Variants in YJEFN3 observed in about 807,000 individuals in gnomAD.
YJEFN3 encodes the protein YjeF N-terminal domain containing 3.
Under a neutral mutation model 31.5 loss-of-function variants are expected in YJEFN3, and 29 were observed. The ratio of observed to expected loss-of-function variants is 0.92; its 90% confidence interval spans 0.69 to 1.26. YJEFN3 has a LOEUF of 1.26. YJEFN3 is among the 50% of genes most tolerant of loss of function. The pLI, the probability that YJEFN3 is intolerant of heterozygous loss-of-function variation, is 0.00. For missense variants in YJEFN3, 442 were observed against 425.4 expected (o/e 1.04, Z -0.34); for synonymous variants, 227 against 196.1 (o/e 1.16, Z -1.32).
rs919622746 is a variant in YJEFN3, at chr19:19,537,506, C to T, written c.882C>T (p.Asp294=). The part of the protein sequence containing the change: ...ALRLPGYTGT[D]CVAAL ...GCCTGCCGGGATACACGGGCACCGA[C>T]TGCGTCGCGGCACTGTGACCGCCAC... Residue 294 remains aspartate, a synonymous_variant, in exon 7 of 7, where the codon GAC becomes GAT. Coordinates refer to ENST00000514277, the MANE Select transcript of YJEFN3 (RefSeq NM_198537.4). The T allele has an allele frequency of 3.2e-6, 5 of 1,566,240 alleles. No homozygotes were observed. Among genetic ancestry groups the T allele is most frequent in the Non-Finnish European group, 4.3e-6 (5 of 1,158,106 alleles).
intron 2 of YJEFN3, among the ~76,000 whole-genome samples, chr19:19,531,627 G>A (rs533050741): frequency 1.3e-5 from 2 of 151,344 alleles, no homozygotes; most frequent in Admixed American, 6.6e-5. Flanking sequence ...GTTTTGCTCC[G>A]AGAGGTGGAG....
chr19:19,535,709 GCCTGGGGGGCTTGGGTGGAGGCC>G, intron 6 of YJEFN3, 30 bp downstream of exon 6: 1 of 1,543,490 alleles, frequency 6.5e-7, no homozygotes, highest in South Asian at 1.2e-5. Flanking sequence ...GCACATTGGG[GCCTGGGGGGCTTGGGTGGAGGCC>G]CCTGTGCCCC....
At chr19:19,533,479 C>T in intron 3 of YJEFN3, 1 of 922,904 alleles carries the variant, frequency 1.1e-6, no homozygotes, top group Non-Finnish European at 1.3e-6. Context: ...TCCTCTTACC[C>T]TCCTCCTCCT....
At chr19:19,529,040 C>G (rs776578555) in intron 1 of YJEFN3, 49 bp downstream of exon 1, 60 of 1,546,296 alleles carry the variant, frequency 3.9e-5, no homozygotes, top group Admixed American at 1.4e-4. Flanking sequence ...CCCATGGGGC[C>G]AGGAGCAGCC....
Position 19,529,521 on chromosome 19 carries a change from A to C in YJEFN3, c.209+8A>C, listed in dbSNP as rs758659236. ...AGGGCCTGTTTGCCAGAGGTTGGTG[A>C]GTTTGGGATCTAGAACTGGCGCCGT... On this transcript the variant is annotated splice_region_variant and intron_variant, in intron 2 of 6. Transcript: ENST00000514277. 1.2e-5 allele frequency: 19 copies of C among 1,612,432 alleles called. No individual in the cohort carries two copies. The highest frequency in any genetic ancestry group is 1.6e-5 in the Non-Finnish European group (19 of 1,179,216).
At position 19,532,120 on chromosome 19, in the gene YJEFN3, C is replaced by A. The variant is rs115289253; in HGVS notation, c.210-512C>A. Among the ~76,000 whole-genome samples, 1,463 of 152,340 alleles carry A rather than the reference C, an allele frequency of 9.6e-3. 29 individuals are homozygous for A. Among genetic ancestry groups the A allele is most frequent in the African/African-American group, 0.033 (1,366 of 41,576 alleles). ...CTCATAGCCCCAGGCCCCAAGGCCT[C>A]CCCGCTGAGTGTGCCATCAAACACT... is the stretch of plus-strand genomic sequence containing the variant. On this transcript the variant is annotated intron_variant, in intron 2 of 6. Transcript: ENST00000514277.
intron 1 of YJEFN3, 180 bp from the exon 2 acceptor site, chr19:19,529,184 C>T (rs894303985): frequency 5.0e-5 from 73 of 1,450,224 alleles, no homozygotes; most frequent in East Asian, 7.5e-5. Context: ...ATGGCCAAGA[C>T]GGGCCTGGGA....
At chr19:19,532,875 A>G (rs2061172156) in intron 3 of YJEFN3, 135 bp downstream of exon 3, 12 of 1,090,854 alleles carry the variant, frequency 1.1e-5, no homozygotes, top group Admixed American at 3.0e-5. Flanking sequence ...CCTGATGGGT[A>G]AACTGAGGCC....
Position 19,529,501 on chromosome 19 carries a change from C to T in YJEFN3, c.197C>T (p.Pro66Leu). ...SWLEQIWNAG[P>L]VCQSTAEAAA... ...CTAGAGCAGATTTGGAACGCAGGGCCTGTTTGCCAGAGGTTGGTGAGTTTG... is the reference window on the plus strand; with the variant it reads ...CTAGAGCAGATTTGGAACGCAGGGCTTGTTTGCCAGAGGTTGGTGAGTTTG... Residue 66 changes from proline to leucine, a missense_variant, in exon 2 of 7, where the codon CCT becomes CTT. By Grantham distance (98) the Pro-to-Leu change is moderately conservative (BLOSUM62 -3). Transcript: ENST00000514277. The T allele has an allele frequency of 1.1e-5, 18 of 1,613,686 alleles. No individual in the cohort carries two copies. Among genetic ancestry groups the T allele is most frequent in the Admixed American group, 1.7e-5 (1 of 59,946 alleles).
Position 19,535,149 on chromosome 19 carries a change from G to C in YJEFN3, c.429+5G>C, listed in dbSNP as rs755524552. 1.9e-6 allele frequency: 3 copies of C among 1,596,354 alleles called. No homozygotes were observed. The South Asian group carries it at 3.4e-5, about 18-fold the overall frequency. ...GCCCGGCACCTGCGGGTGTTTGTAA[G>C]TAGCAAGGACCCCTTCGACCTCCCA... On this transcript the variant is annotated splice_donor_5th_base_variant and intron_variant, in intron 4 of 6. Transcript: ENST00000514277.
rs777689550 is a variant in YJEFN3, at chr19:19,535,633, G to A, written c.648G>A (p.Thr216=). ...GCCCCTGCACCCGCGCGCTGGCCAC[G>A]CTCAAGCTGCTGTCCATCCCCCTCG... The part of the protein sequence containing the change: ...VGGPCTRALA[T]LKLLSIPLVS... The change falls in exon 6 of 7, where the codon ACG becomes ACA. Residue 216 remains threonine, a synonymous_variant. Coordinates refer to ENST00000514277, the MANE Select transcript of YJEFN3 (RefSeq NM_198537.4). 2.2e-5 allele frequency: 35 copies of A among 1,584,030 alleles called. No individual in the cohort carries two copies. In the African/African-American group the frequency reaches 3.8e-4, roughly 17 times the overall value.
In YJEFN3 at chr19:19,534,949, TCCCCTACTCC is replaced by T; in HGVS notation, c.319-84_319-75del. 8.2e-7 allele frequency: 1 copy of T among 1,222,936 alleles called. No homozygotes were observed. Among genetic ancestry groups the T allele is most frequent in the Non-Finnish European group, 1.1e-6 (1 of 889,982 alleles). The allele number at this position is 1,222,936 out of a possible 1,614,324, so 75.8% of individuals were successfully genotyped here. ...GCCTCCAGGCCCAAGCCCCATCCCT[TCCCCTACTCC>T]GGGCCTCAGTTTCCTCTCCAGGCAA... On this transcript the variant is annotated intron_variant, in intron 3 of 6. Coordinates refer to ENST00000514277, the MANE Select transcript of YJEFN3 (RefSeq NM_198537.4). This position sits in a 1 kb window ranked among gnomAD's most constrained non-coding sequence, Gnocchi z 4.6.
chr19:19,532,301 C>T (rs1443856601), intron 2 of YJEFN3, among the ~76,000 whole-genome samples: 3 of 152,262 alleles, frequency 2.0e-5, no homozygotes, highest in African/African-American at 7.2e-5. Flanking sequence ...TTCCCTCCGC[C>T]TTGGGAGCTG....
Position 19,534,278 on chromosome 19 carries a change from G to A in YJEFN3, c.319-756G>A. The stretch of plus-strand genomic sequence containing the variant: ...AGAGAGAGACAAATGGAGAAAGAGA[G>A]CCAGAGACATACAGAAAGACAGAGA... On this transcript the variant is annotated intron_variant, in intron 3 of 6. Transcript: ENST00000514277. The surrounding 1 kb of genome is among the most constrained non-coding windows in gnomAD (Gnocchi z 4.6). The A allele has an allele frequency of 4.7e-6, 3 of 635,918 alleles. No homozygotes were observed. Among genetic ancestry groups the A allele is most frequent in the Non-Finnish European group, 5.9e-6 (3 of 511,126 alleles). The allele number at this position is 635,918 out of a possible 1,614,324, so 39.4% of individuals were successfully genotyped here.
In YJEFN3 at chr19:19,529,612, C is replaced by T. The variant is rs142015390; in HGVS notation, c.209+99C>T. The T allele has an allele frequency of 3.8e-3, 5,714 of 1,512,102 alleles. 109 individuals carry two copies. The South Asian group carries it at 0.038, about 10-fold the overall frequency. The allele number at this position is 1,512,102 out of a possible 1,614,324, so 93.7% of individuals were successfully genotyped here. A position where few individuals can be genotyped will look rare whatever the true frequency, so the allele number is the denominator to read the frequency against. ...TGGGACCCCAGGCAAGGCTGTTGAC[C>T]TCACTGTGAACCAGATGCGTCCAAC... On this transcript the variant is annotated intron_variant, in intron 2 of 6. Transcript: ENST00000514277.
At chr19:19,536,834 G>T (rs1405197922) in intron 6 of YJEFN3, among the ~76,000 whole-genome samples, 2 of 152,064 alleles carry the variant, frequency 1.3e-5, no homozygotes, top group Admixed American at 1.3e-4. Context: ...GCCAGGCATG[G>T]TGGCGTGTGC....
intron 3 of YJEFN3, chr19:19,533,373 C>A (rs759683482): frequency 8.3e-5 from 82 of 985,764 alleles, no homozygotes; most frequent in Non-Finnish European, 9.3e-5. Context: ...GAAAACTGTC[C>A]CATACAGTCG....
In YJEFN3 at chr19:19,535,334, C is replaced by G. The variant is rs1600368916; in HGVS notation, c.430-3C>G. 2 of 1,613,364 alleles carry G rather than the reference C, an allele frequency of 1.2e-6. No individual in the cohort carries two copies. Among genetic ancestry groups the G allele is most frequent in the Non-Finnish European group, 1.7e-6 (2 of 1,179,702 alleles). On this transcript the variant is annotated splice_region_variant and splice_polypyrimidine_tract_variant and intron_variant, in intron 4 of 6. Transcript: ENST00000514277. ...GTCTGACCCCCTCTTCTCCCACCCC[C>G]AGGAGTATGAACCCACCATCTTCTA...
In YJEFN3 at chr19:19,528,936, AGCAGC is replaced by A; in HGVS notation, c.10_14del (p.Ala4ArgfsTer32). 6.5e-7 allele frequency: 1 copy of A among 1,548,718 alleles called. No homozygotes were observed. The highest frequency in any genetic ancestry group is 8.7e-7 in the Non-Finnish European group (1 of 1,146,284). On this transcript the variant is annotated frameshift_variant, in exon 1 of 7. Transcript: ENST00000514277. LOFTEE classifies it high-confidence loss of function. Reference sequence around the variant, plus strand: ...GGCGCCCGGGCTCACCTCGGCCATGAGCAGCGCAGCCGGCCCAGACCCGTCGGAGG... The same window carrying A: ...GGCGCCCGGGCTCACCTCGGCCATGAGCAGCCGGCCCAGACCCGTCGGAGG...
Sources: allele counts gnomAD v4.1 joint callset (sites outside exome capture counted in the v4.1 genomes callset), GRCh38; gene constraint gnomAD v4.1.1; non-coding constraint Gnocchi (gnomAD v3.1); transcripts MANE v1.5; gene names NCBI Gene and HGNC (gene_info 2026-07-23, HGNC 2026-07-21).